The following GRIK2 variants were observed in gnomAD, a reference collection of about 807,000 sequenced individuals.
The protein encoded by GRIK2 is glutamate receptor ionotropic, kainate 2.
In GRIK2, 32 loss-of-function variants were observed where a neutral mutation model predicts 100.3. The observed-to-expected ratio is 0.32, with a 90% CI of 0.24 to 0.43. GRIK2 has a LOEUF of 0.43. Among genes scored for constraint, GRIK2 ranks in the 20% least tolerant of loss-of-function variants. The probability of loss-of-function intolerance (pLI) is 1.00; values close to 1 mark genes in which losing one functional copy is unlikely to be tolerated. For synonymous variants in GRIK2, 417 were observed against 389.4 expected, an observed-to-expected ratio of 1.07 and a Z score of -0.83; for missense variants, 843 against 1,114.9, an observed-to-expected ratio of 0.76 and a Z score of 3.47.
intron 14 of GRIK2, among the ~76,000 whole-genome samples, chr6:102,006,386 ATATATT>A (rs1366173581): frequency 9.9e-5 from 11 of 111,224 alleles, no homozygotes; most frequent in African/African-American, 1.7e-4. Flanking sequence ...ATATATATAT[ATATATT>A]TTTTTTTTTT....
chr6:101,841,159 G>T (rs539328959), intron 10 of GRIK2, among the ~76,000 whole-genome samples: 1 of 152,060 alleles, frequency 6.6e-6, no homozygotes, highest in African/African-American at 2.4e-5. Context: ...TTGTGCCCTC[G>T]AGCAATAGCA....
chr6:101,594,459 C>T (rs896023546), intron 2 of GRIK2, among the ~76,000 whole-genome samples: 5 of 151,710 alleles, frequency 3.3e-5, no homozygotes, highest in Admixed American at 6.6e-5. Context: ...ACACAAAAAG[C>T]ATAGTTTTTC....
intron 2 of GRIK2, among the ~76,000 whole-genome samples, chr6:101,538,524 T>G (rs540369369): frequency 1.3e-5 from 2 of 151,872 alleles, no homozygotes; most frequent in South Asian, 4.1e-4. Flanking sequence ...TAATTAAAAT[T>G]TATCTTGACA....
intron 7 of GRIK2, among the ~76,000 whole-genome samples, chr6:101,703,372 A>G (rs1427612511): frequency 6.6e-6 from 1 of 151,900 alleles, no homozygotes; most frequent in Non-Finnish European, 1.5e-5. Context: ...AGACTAGAGA[A>G]GAAAGTGTTT....
chr6:101,608,575 A>C (rs899405300), intron 2 of GRIK2, among the ~76,000 whole-genome samples: 2 of 151,866 alleles, frequency 1.3e-5, no homozygotes, highest in African/African-American at 4.8e-5. Flanking sequence ...AATGCAAAAA[A>C]CACTTATTGA....
intron 12 of GRIK2, among the ~76,000 whole-genome samples, chr6:101,899,323 T>C (rs1219906031): frequency 6.6e-6 from 1 of 151,956 alleles, no homozygotes; most frequent in Admixed American, 6.6e-5. Context: ...GTTATCTCTC[T>C]AAGAAACTTG....
chr6:102,061,861 C>A (rs1353656688), intron 16 of GRIK2, among the ~76,000 whole-genome samples: 1 of 150,092 alleles, frequency 6.7e-6, no homozygotes, highest in Non-Finnish European at 1.5e-5. Flanking sequence ...AACTGCCACA[C>A]CTTATGAAAA....
At chr6:101,933,547 G>C (rs1025286743) in intron 14 of GRIK2, among the ~76,000 whole-genome samples, 2 of 151,838 alleles carry the variant, frequency 1.3e-5, no homozygotes, top group African/African-American at 2.4e-5. Flanking sequence ...ATTTTCCCCT[G>C]TATTCATGGA....
intron 2 of GRIK2, among the ~76,000 whole-genome samples, chr6:101,543,436 C>T (rs1393875021): frequency 6.6e-6 from 1 of 152,138 alleles, no homozygotes; most frequent in Non-Finnish European, 1.5e-5. Flanking sequence ...TCAAATAAAC[C>T]CTACCAGTAC....
At chr6:101,447,904 C>A (rs547126304) in intron 2 of GRIK2, among the ~76,000 whole-genome samples, 1 of 151,728 alleles carries the variant, frequency 6.6e-6, no homozygotes, top group African/African-American at 2.4e-5. Context: ...CGTCTCCTTC[C>A]CTGATTCTCT....
At chr6:101,481,149 A>G (rs563648409) in intron 2 of GRIK2, among the ~76,000 whole-genome samples, 3 of 152,312 alleles carry the variant, frequency 2.0e-5, no homozygotes, top group Admixed American at 6.5e-5. Context: ...AACTGAGGCC[A>G]TATACTGTTC....
At chr6:101,427,289 A>G (rs1769080497) in intron 2 of GRIK2, among the ~76,000 whole-genome samples, 2 of 152,262 alleles carry the variant, frequency 1.3e-5, no homozygotes, top group Non-Finnish European at 2.9e-5. Context: ...CACATTCAAT[A>G]AAACCTTTAT....
rs190256772 is a variant in GRIK2 at position 101,892,693 on chromosome 6, A to G, written c.1748+2830A>G. ...TTAAATCATCATTTATGGGTGAATT[A>G]ATAGATATTGCATTAAGTAATAATG... On this transcript the variant is annotated intron_variant, in intron 12 of 16. Transcript: ENST00000369134. 1.5e-3 allele frequency among the ~76,000 whole-genome samples: 231 copies of G among 152,108 alleles called. 1 individual carries two copies. The highest frequency in any genetic ancestry group is 7.5e-3 in the South Asian group (36 of 4,832).
At chr6:101,659,769 C>A (rs1275697578) in intron 4 of GRIK2, among the ~76,000 whole-genome samples, 1 of 152,124 alleles carries the variant, frequency 6.6e-6, no homozygotes, top group Non-Finnish European at 1.5e-5. Flanking sequence ...GATGAAAATT[C>A]TTTTCTTTAA....
At chr6:101,659,687 A>G (rs1052370970) in intron 4 of GRIK2, among the ~76,000 whole-genome samples, 1 of 152,092 alleles carries the variant, frequency 6.6e-6, no homozygotes, top group African/African-American at 2.4e-5. Flanking sequence ...ATGTCTCAGC[A>G]TTTGCTTGTC....
At chr6:101,823,061 G>A (rs1217118567) in intron 10 of GRIK2, among the ~76,000 whole-genome samples, 4 of 152,056 alleles carry the variant, frequency 2.6e-5, no homozygotes, top group African/African-American at 2.4e-5. Context: ...TTTTCTCTAC[G>A]GAGAACATTA....
rs1036633841 is a variant in GRIK2 at position 101,745,078 on chromosome 6, T to C, written c.952-54570T>C. 15 of 152,206 alleles carry C rather than the reference T, an allele frequency of 9.9e-5. No individual in the cohort carries two copies. The South Asian group carries it at 1.2e-3, about 13-fold the overall frequency. The allele number at this position is 152,206 out of a possible 1,614,324, so 9.4% of individuals were successfully genotyped here. ...GTCCATTTGAAAAGATATTTTTTCATGTTGTAAAAAATTTATTAAATGAAT... is the reference window on the plus strand; with the variant it reads ...GTCCATTTGAAAAGATATTTTTTCACGTTGTAAAAAATTTATTAAATGAAT... On this transcript the variant is annotated intron_variant, in intron 7 of 16. Coordinates refer to ENST00000369134, the MANE Select transcript of GRIK2 (RefSeq NM_021956.5).
rs1772846231 is a variant in GRIK2, at chr6:101,486,568, T to C, written c.115+87176T>C. ...ATTAGGACCACCTTAACCAATTCTT[T>C]GGTGGATGAAGGGAGACCAAATTGG... On this transcript the variant is annotated intron_variant, in intron 2 of 16. Transcript: ENST00000369134. Among the ~76,000 whole-genome samples the C allele has an allele frequency of 2.0e-5, 3 of 152,130 alleles. 1 individual carries two copies. The highest frequency in any genetic ancestry group is 2.0e-4 in the Admixed American group (3 of 15,256).
chr6:101,661,440 C>T (rs1769604084), intron 4 of GRIK2, among the ~76,000 whole-genome samples: 1 of 152,086 alleles, frequency 6.6e-6, no homozygotes, highest in Non-Finnish European at 1.5e-5. Flanking sequence ...CTGAGCTAGA[C>T]CACTTGGCTC....
Sources: gnomAD v4.1 joint callset for allele counts (sites outside exome capture counted in the v4.1 genomes callset) on GRCh38, gnomAD v4.1.1 for gene constraint, MANE v1.5 for transcripts, NCBI Gene and HGNC (gene_info 2026-07-23, HGNC 2026-07-21) for gene names.